Variants in RNF123 observed in about 807,000 individuals in gnomAD.
The protein encoded by RNF123 is ring finger protein 123, also known as E3 ubiquitin-protein ligase RNF123.
RNF123 carries 86 observed loss-of-function variants against 168.5 expected under a neutral mutation model. That is an observed-to-expected ratio of 0.51 (90% CI 0.43 to 0.61). The LOEUF (loss-of-function observed/expected upper bound fraction) is 0.61. Among genes scored for constraint, RNF123 ranks in the 20% least tolerant of loss-of-function variants. RNF123 has a pLI of 0.00. For missense variants in RNF123, 1,419 were observed against 1,729.7 expected (o/e 0.82, Z 3.19); for synonymous variants, 666 against 689.1 (o/e 0.97, Z 0.52).
At chr3:49,690,420 A>G (rs1274934681) in intron 1 of RNF123, among the ~76,000 whole-genome samples, 1 of 152,256 alleles carries the variant, frequency 6.6e-6, no homozygotes, top group African/African-American at 2.4e-5. Flanking sequence ...GCTACACATC[A>G]GTGAGGCCAG....
intron 35 of RNF123, chr3:49,719,680 C>G: frequency 3.6e-6 from 2 of 552,230 alleles, no homozygotes; most frequent in Non-Finnish European, 6.5e-6. Flanking sequence ...TTCGCTAGCC[C>G]TCTCCAAGCG....
Position 49,721,463 on chromosome 3 carries a change from C to G in RNF123, c.*158C>G, listed in dbSNP as rs760862244. 2.1e-5 allele frequency: 22 copies of G among 1,029,010 alleles called. No homozygotes were observed. The highest frequency in any genetic ancestry group is 2.9e-5 in the Non-Finnish European group (19 of 653,784). The allele number at this position is 1,029,010 out of a possible 1,614,324, so 63.7% of individuals were successfully genotyped here. A position where few individuals can be genotyped will look rare whatever the true frequency, so the allele number is the denominator to read the frequency against. On this transcript the variant is annotated 3_prime_UTR_variant, in exon 39 of 39. Transcript: ENST00000327697. ...CTCATTGGTGGGAGCCCAGCCATGGCCCTAATTGTGCCTGAGCTTGACTTT... is the reference window on the plus strand; with the variant it reads ...CTCATTGGTGGGAGCCCAGCCATGGGCCTAATTGTGCCTGAGCTTGACTTT...
chr3:49,690,491 A>C (rs1029895712), intron 1 of RNF123, among the ~76,000 whole-genome samples: 1 of 152,246 alleles, frequency 6.6e-6, no homozygotes, highest in Non-Finnish European at 1.5e-5. Flanking sequence ...TGAGGGATAG[A>C]TGCACTAGGA....
In RNF123 at chr3:49,721,371, A is replaced by G. The variant is rs775745330; in HGVS notation, c.*66A>G. The G allele has an allele frequency of 4.1e-5, 66 of 1,604,178 alleles. No individual in the cohort carries two copies. The highest frequency in any genetic ancestry group is 5.4e-5 in the Non-Finnish European group (63 of 1,171,522). ...CCCAGAGCCAGGCTGGGCCCTATTT[A>G]TGAGCTCCCTTTGCCCTTCTCCTGT... On this transcript the variant is annotated 3_prime_UTR_variant, in exon 39 of 39. Transcript: ENST00000327697.
intron 28 of RNF123, 24 bp downstream of exon 28, chr3:49,713,611 C>T: frequency 6.2e-7 from 1 of 1,606,668 alleles, no homozygotes; most frequent in South Asian, 1.1e-5. Context: ...ACAGAGGGTA[C>T]AGGGGGAGGG....
intron 26 of RNF123, among the ~76,000 whole-genome samples, chr3:49,710,009 T>C (rs2080110794): frequency 1.3e-5 from 2 of 152,064 alleles, no homozygotes; most frequent in East Asian, 3.9e-4. Context: ...TTTCTGCCCT[T>C]TTTTTTTCTT....
chr3:49,710,142 A>G (rs532299995), intron 26 of RNF123, among the ~76,000 whole-genome samples: 137 of 149,034 alleles, frequency 9.2e-4, no homozygotes, highest in Non-Finnish European at 1.4e-3. Context: ...GGCAATTTCT[A>G]CTTTTTTAAT....
intron 3 of RNF123, among the ~76,000 whole-genome samples, chr3:49,694,820 TC>T (rs1242945983): frequency 6.6e-6 from 1 of 151,854 alleles, no homozygotes; most frequent in Admixed American, 6.6e-5. Flanking sequence ...AGCCATCTGA[TC>T]CCTACCTCAT....
intron 21 of RNF123, 55 bp downstream of exon 21, chr3:49,703,583 C>T: frequency 2.1e-6 from 3 of 1,431,130 alleles, no homozygotes; most frequent in South Asian, 1.2e-5. Flanking sequence ...GGGGACTGTC[C>T]CTGAGCCTGC....
Position 49,697,203 on chromosome 3 carries a change from T to C in RNF123, c.228T>C (p.Asn76=), listed in dbSNP as rs775891459. ...TGGACCAGTTGCTACAGGTGGACAATGAGGAGGAGGAAAGCCAGGGTATGT... is the reference window on the plus strand; with the variant it reads ...TGGACCAGTTGCTACAGGTGGACAACGAGGAGGAGGAAAGCCAGGGTATGT... ...EHLDQLLQVD[N]EEEESQGQVE... is the part of the protein sequence containing the mutation. The change falls in exon 4 of 39, where the codon AAT becomes AAC. Residue 76 remains asparagine (N), a synonymous_variant. Transcript: ENST00000327697. 5.3e-5 allele frequency: 86 copies of C among 1,613,850 alleles called. No homozygotes were observed. The South Asian group carries it at 9.1e-4, about 17-fold the overall frequency.
rs1281998294 is a variant in RNF123, at chr3:49,697,287, G to A, written c.247+65G>A. The A allele has an allele frequency of 5.6e-5, 89 of 1,594,800 alleles. 1 individual carries two copies. In the South Asian group the frequency reaches 7.5e-4, roughly 13 times the overall value. Reference sequence around the variant, plus strand: ...GCTGGGACGTAGCGGGCCTGGAGACGTCTGGTGAGCTCAGGACACCCTATG... The same window carrying A: ...GCTGGGACGTAGCGGGCCTGGAGACATCTGGTGAGCTCAGGACACCCTATG... On this transcript the variant is annotated intron_variant, in intron 4 of 38. Coordinates refer to ENST00000327697, the MANE Select transcript of RNF123 (RefSeq NM_022064.5).
At chr3:49,719,376 C>T (rs758949458) in intron 35 of RNF123, 3 of 1,613,606 alleles carry the variant, frequency 1.9e-6, no homozygotes, top group Non-Finnish European at 2.5e-6. Flanking sequence ...AGTTGTGGAG[C>T]GCACGGGGCG....
chr3:49,718,685 C>G (rs144506153), intron 35 of RNF123: 9 of 1,612,938 alleles, frequency 5.6e-6, no homozygotes, highest in Middle Eastern at 1.6e-4. Context: ...AAGAAGCGCA[C>G]GCGGGACGCG....
chr3:49,698,551 A>T, intron 8 of RNF123, 25 bp downstream of exon 8: 5 of 1,610,652 alleles, frequency 3.1e-6, no homozygotes, highest in Non-Finnish European at 3.4e-6. Flanking sequence ...CCTGTGGGTC[A>T]TCCGCCCCAT....
rs756535292 is a variant in RNF123, at chr3:49,705,568, G to A, written c.2193G>A (p.Leu731=). ...EGSHWNEGLL[L]GRPPEEPEQP... is the part of the protein sequence containing the mutation. ...GCCACTGGAATGAGGGCTTGCTGCT[G>A]GGGCGGCCCCCCGAGGAGCCTGAGC... Residue 731 remains leucine (L), a synonymous_variant, in exon 24 of 39, where the codon CTG becomes CTA. Transcript: ENST00000327697. 6.2e-7 allele frequency: 1 copy of A among 1,608,762 alleles called. No homozygotes were observed. The highest frequency in any genetic ancestry group is 8.5e-7 in the Non-Finnish European group (1 of 1,177,562).
rs2080226630 is a variant in RNF123, at chr3:49,715,630, T to C, written c.3066T>C (p.Gly1022=). The change falls in exon 32 of 39, where the codon GGT becomes GGC. Residue 1022 remains glycine (G), a synonymous_variant. Transcript: ENST00000327697. ...QQHMADLLQQ[G]PDVAPSFLNS... is the part of the protein sequence containing the mutation. ...ACATGGCGGACCTCCTACAGCAGGGTCCTGATGTGGCACCCAGCTTCCTCA... is the reference window on the plus strand; with the variant it reads ...ACATGGCGGACCTCCTACAGCAGGGCCCTGATGTGGCACCCAGCTTCCTCA... 1 of 1,614,098 alleles carries C rather than the reference T, an allele frequency of 6.2e-7. No individual in the cohort carries two copies.
chr3:49,700,587 T>C, intron 14 of RNF123, 23 bp downstream of exon 14: 1 of 1,614,164 alleles, frequency 6.2e-7, no homozygotes, highest in Non-Finnish European at 8.5e-7. Context: ...ACCCCTGCCC[T>C]GAGCCCCCTG....
chr3:49,693,422 T>A (rs1260481308), intron 3 of RNF123, among the ~76,000 whole-genome samples: 1 of 140,428 alleles, frequency 7.1e-6, no homozygotes, highest in Non-Finnish European at 1.5e-5. Flanking sequence ...AGTGGCATGA[T>A]CTTGGCTCAC....
chr3:49,696,981 C>G, intron 3 of RNF123, 162 bp from the exon 4 acceptor site: 3 of 678,882 alleles, frequency 4.4e-6, no homozygotes, highest in Non-Finnish European at 8.1e-6. Context: ...GTGGAGAATT[C>G]GGCCTTCTGA....
Sources: gnomAD v4.1 joint callset for allele counts (sites outside exome capture counted in the v4.1 genomes callset) on GRCh38, gnomAD v4.1.1 for gene constraint, MANE v1.5 for transcripts, NCBI Gene and HGNC (gene_info 2026-07-23, HGNC 2026-07-21) for gene names.